XPO7: variants seen among roughly 807,000 people sequenced by gnomAD.
XPO7 encodes exportin 7.
XPO7 carries 21 observed loss-of-function variants against 144.3 expected under a neutral mutation model. The ratio of observed to expected loss-of-function variants is 0.15; its 90% CI spans 0.10 to 0.21. The LOEUF is 0.21. Ranked by LOEUF, XPO7 falls within the 10% of genes least tolerant of loss-of-function variation. The pLI is 1.00. For synonymous variants in XPO7, 580 were observed against 499.6 expected, an observed-to-expected ratio of 1.16 and a Z score of -2.15; for missense variants, 808 against 1,325.8, an observed-to-expected ratio of 0.61 and a Z score of 6.06.
chr8:21,963,690 G>A (rs1480154473), intron 1 of XPO7, among the ~76,000 whole-genome samples: 4 of 101,770 alleles, frequency 3.9e-5, no homozygotes, highest in African/African-American at 1.0e-4. Flanking sequence ...GTGAGACTCC[G>A]TCTCAAAAAA....
At chr8:21,982,911 T>C (rs1475757353) in intron 11 of XPO7, 99 bp downstream of exon 11, 4 of 1,405,772 alleles carry the variant, frequency 2.8e-6, no homozygotes, top group Non-Finnish European at 3.8e-6. Flanking sequence ...TCGAAGCGTG[T>C]CTCATTGGAG....
At chr8:21,939,859 G>A (rs950931685) in intron 1 of XPO7, among the ~76,000 whole-genome samples, 1 of 152,194 alleles carries the variant, frequency 6.6e-6, no homozygotes. Flanking sequence ...ATTTTCAAAT[G>A]TAATTAGCAA....
intron 1 of XPO7, among the ~76,000 whole-genome samples, chr8:21,926,999 G>A (rs1313518875): frequency 1.3e-5 from 2 of 152,164 alleles, no homozygotes; most frequent in Non-Finnish European, 2.9e-5. Flanking sequence ...ATTTTGAACT[G>A]ATAATGTTCC....
intron 12 of XPO7, 143 bp downstream of exon 12, chr8:21,984,982 G>T: frequency 1.1e-6 from 1 of 880,250 alleles, no homozygotes; most frequent in Non-Finnish European, 1.7e-6. Context: ...GAATCTTTAT[G>T]AATGAATAAA....
In XPO7 at chr8:21,999,183, G is replaced by T. The variant is rs1259298525; in HGVS notation, c.2521G>T (p.Ala841Ser). 2.5e-6 allele frequency: 4 copies of T among 1,613,986 alleles called. No homozygotes were observed. Among genetic ancestry groups the T allele is most frequent in the Admixed American group, 1.7e-5 (1 of 60,024 alleles). ...CTCCATCTGCTTCTCCATGCTGAAGGCTGCTCTCAGTGGGAGTTACGTCAA... is the reference window on the plus strand; with the variant it reads ...CTCCATCTGCTTCTCCATGCTGAAGTCTGCTCTCAGTGGGAGTTACGTCAA... ...GISICFSMLK[A>S]ALSGSYVNFG... Residue 841 changes from alanine to serine, a missense_variant, in exon 23 of 28, where the codon GCT (alanine) becomes TCT (serine). By Grantham distance (99) the Ala-to-Ser change is moderately conservative. Around this residue, in one of 5 missense-constraint regions of XPO7, gnomAD observed 416 missense variants for 612.5 expected, o/e 0.68. Transcript: ENST00000252512.
intron 14 of XPO7, 145 bp downstream of exon 14, chr8:21,987,421 T>A: frequency 8.1e-7 from 1 of 1,236,286 alleles, no homozygotes; most frequent in Non-Finnish European, 1.1e-6. Context: ...GTCTTTAAAT[T>A]CTGGGAGAGT....
chr8:21,962,577 AGTT>A (rs1811759871), intron 1 of XPO7, among the ~76,000 whole-genome samples: 1 of 152,148 alleles, frequency 6.6e-6, no homozygotes, highest in African/African-American at 2.4e-5. Flanking sequence ...TTATCTTTAC[AGTT>A]GTTAGGATTT....
At chr8:21,976,648 C>CT (rs942490833) in intron 7 of XPO7, 127 bp downstream of exon 7, 6 of 1,171,548 alleles carry the variant, frequency 5.1e-6, no homozygotes, top group East Asian at 2.8e-5. Flanking sequence ...ATTCTAACGT[C>CT]TTTTTTTGTT....
At chr8:21,947,544 G>A (rs1811232353) in intron 1 of XPO7, among the ~76,000 whole-genome samples, 1 of 152,086 alleles carries the variant, frequency 6.6e-6, no homozygotes, top group African/African-American at 2.4e-5. Context: ...CTGCAACATA[G>A]ACACACATCA....
At chr8:21,997,278 T>G (rs1485314991) in intron 21 of XPO7, among the ~76,000 whole-genome samples, 4 of 152,186 alleles carry the variant, frequency 2.6e-5, no homozygotes, top group African/African-American at 7.2e-5. Context: ...TCTACCCTCT[T>G]TGATGTTACA....
In XPO7 at chr8:21,966,136, A is replaced by G. The variant is rs555956208; in HGVS notation, c.19-721A>G. On this transcript the variant is annotated intron_variant, in intron 1 of 27. Coordinates refer to ENST00000252512, the MANE Select transcript of XPO7 (RefSeq NM_015024.5). ...TTCCTGCCTCCCTGGAACTGGTTCA[A>G]GATTTGGAGAGAAGAGTTTGCTTGT... The G allele has an allele frequency of 7.9e-6, 5 of 630,444 alleles. No individual in the cohort carries two copies. The African/African-American group carries it at 9.2e-5, about 12-fold the overall frequency. The allele number at this position is 630,444 out of a possible 1,614,324, so 39.1% of individuals were successfully genotyped here.
chr8:21,975,958 A>G (rs1812210325), intron 6 of XPO7, among the ~76,000 whole-genome samples: 1 of 152,210 alleles, frequency 6.6e-6, no homozygotes, highest in Admixed American at 6.5e-5. Flanking sequence ...CAGGGTGTTA[A>G]GCATCCTCAG....
In XPO7 at chr8:22,005,736, A is replaced by ACT. The variant is rs1226812126; in HGVS notation, c.*648_*649insCT. ...TACTGTATTAACCCTTGTTATTAGG[A>ACT]ACTCTAAGCCATGCCAGAACACCGT... is the stretch of plus-strand genomic sequence containing the variant. On this transcript the variant is annotated 3_prime_UTR_variant, in exon 28 of 28. Transcript: ENST00000252512. The ACT allele has an allele frequency of 6.6e-6, 1 of 152,148 alleles. No individual in the cohort carries two copies. The highest frequency in any genetic ancestry group is 2.4e-5 in the African/African-American group (1 of 41,418). The allele number at this position is 152,148 out of a possible 1,614,324, so 9.4% of individuals were successfully genotyped here. A position where few individuals can be genotyped will look rare whatever the true frequency, so the allele number is the denominator to read the frequency against.
chr8:21,989,856 T>C, intron 16 of XPO7, among the ~76,000 whole-genome samples: 1 of 86,798 alleles, frequency 1.2e-5, no homozygotes, highest in African/African-American at 5.4e-5. Flanking sequence ...TTTTTTTTTT[T>C]TTTTTTTTTT....
At chr8:21,985,511 T>G (rs1049201983) in intron 12 of XPO7, 75 bp from the exon 13 acceptor site, 12 of 1,341,708 alleles carry the variant, frequency 8.9e-6, no homozygotes, top group Non-Finnish European at 1.3e-5. Context: ...TTCTTAAGAT[T>G]AAGGAAGTTC....
intron 1 of XPO7, among the ~76,000 whole-genome samples, chr8:21,965,140 TTC>T: frequency 6.6e-6 from 1 of 152,210 alleles, no homozygotes; most frequent in South Asian, 2.1e-4. Context: ...AATAATTTTT[TTC>T]TTTTTTTTTT....
At chr8:21,929,171 T>C (rs867653456) in intron 1 of XPO7, among the ~76,000 whole-genome samples, 5 of 152,350 alleles carry the variant, frequency 3.3e-5, no homozygotes, top group Middle Eastern at 3.4e-3. Context: ...AGTGCAGATA[T>C]AAAATATTTC....
chr8:21,996,655 G>A (rs1031436455), intron 21 of XPO7, among the ~76,000 whole-genome samples: 5 of 152,112 alleles, frequency 3.3e-5, no homozygotes, highest in African/African-American at 1.2e-4. Context: ...CTTTTAAAAA[G>A]TGAGCAAGAT....
intron 3 of XPO7, 75 bp from the exon 4 acceptor site, chr8:21,970,069 C>T (rs1034699759): frequency 4.6e-6 from 7 of 1,505,528 alleles, no homozygotes; most frequent in Non-Finnish European, 6.2e-6. Context: ...TTTAGCATGT[C>T]TAAAGATATA....
Sources: allele counts gnomAD v4.1 joint callset (sites outside exome capture counted in the v4.1 genomes callset), GRCh38; gene constraint gnomAD v4.1.1; regional missense constraint gnomAD v4.1.1; transcripts MANE v1.5; gene names NCBI Gene and HGNC (gene_info 2026-07-23, HGNC 2026-07-21).